The following ROBO2 variants were observed in gnomAD, a reference collection of about 807,000 sequenced individuals.
ROBO2 encodes roundabout guidance receptor 2.
A neutral mutation model predicts 160.8 loss-of-function variants in ROBO2; 53 were observed. That is an observed-to-expected ratio of 0.33 (90% CI 0.26 to 0.41). The LOEUF is 0.41. ROBO2 is among the 10% of genes least tolerant of loss of function. ROBO2 has a pLI of 1.00. For synonymous variants in ROBO2, 664 were observed against 611.7 expected (o/e 1.09, Z -1.26); for missense variants, 1,577 against 1,722.4 (o/e 0.92, Z 1.49).
intron 2 of ROBO2, among the ~76,000 whole-genome samples, chr3:77,107,668 G>A (rs976197439): frequency 1.3e-4 from 20 of 152,228 alleles, no homozygotes; most frequent in African/African-American, 4.6e-4. Context: ...ATGGACTTGA[G>A]CATCCAATTC....
At chr3:77,526,989 C>T (rs779768008) in intron 6 of ROBO2, among the ~76,000 whole-genome samples, 2 of 151,544 alleles carry the variant, frequency 1.3e-5, no homozygotes, top group South Asian at 4.1e-4. Flanking sequence ...TGCTTAAAAT[C>T]CAATTGCTAT....
chr3:77,494,956 C>T lies in ROBO2; in HGVS notation c.806+1574C>T, dbSNP rs745503060. ...TGTGTTTGTTTCATCATTTTAATGC[C>T]AGACATCTGTCTTTAAAGGAATGGT... On this transcript the variant is annotated intron_variant, in intron 5 of 25. Coordinates refer to ENST00000461745, the Ensembl canonical transcript of ROBO2. 1.1e-3 allele frequency among the ~76,000 whole-genome samples: 170 copies of T among 152,106 alleles called. 2 individuals carry two copies. Among genetic ancestry groups the T allele is most frequent in the Non-Finnish European group, 3.5e-4 (24 of 68,014 alleles).
chr3:76,161,674 C>T (rs1026717372), intron 2 of ROBO2, among the ~76,000 whole-genome samples: 1 of 152,116 alleles, frequency 6.6e-6, no homozygotes, highest in African/African-American at 2.4e-5. Context: ...GCATATTAGG[C>T]ATTTTTCGTC....
chr3:77,114,754 T>C (rs185832034), intron 2 of ROBO2, among the ~76,000 whole-genome samples: 2 of 152,178 alleles, frequency 1.3e-5, no homozygotes, highest in East Asian at 3.9e-4. Flanking sequence ...AAAGAGAAAA[T>C]AATTTTTTTA....
intron 2 of ROBO2, among the ~76,000 whole-genome samples, chr3:76,629,440 C>T (rs2089888247): frequency 1.3e-5 from 2 of 152,112 alleles, no homozygotes; most frequent in South Asian, 4.2e-4. Context: ...AGAAGCCAGT[C>T]CAAGTTCCAA....
intron 1 of ROBO2, among the ~76,000 whole-genome samples, chr3:77,048,227 A>G (rs1215460918): frequency 6.6e-6 from 1 of 152,202 alleles, no homozygotes; most frequent in Non-Finnish European, 1.5e-5. Context: ...ATTGGGGTGC[A>G]TGTTAGGACA....
chr3:77,342,941 G>C (rs943094724), intron 2 of ROBO2, among the ~76,000 whole-genome samples: 1 of 152,154 alleles, frequency 6.6e-6, no homozygotes, highest in African/African-American at 2.4e-5. Context: ...CGTCCTGGAG[G>C]CCGCAAGCCT....
Position 77,089,080 on chromosome 3 carries a change from T to C in ROBO2, c.62-8934T>C, listed in dbSNP as rs539400610. ...AACCAGTTTAGGTAATTGCTTAAGG[T>C]GATATAACTAACCATATATTGGTCC... On this transcript the variant is annotated intron_variant, in intron 1 of 25. Coordinates refer to ENST00000461745, the Ensembl canonical transcript of ROBO2. Among the ~76,000 whole-genome samples the C allele has an allele frequency of 1.1e-3, 170 of 152,270 alleles. 6 individuals carry two copies. The South Asian group carries it at 0.034, about 31-fold the overall frequency.
intron 21 of ROBO2, among the ~76,000 whole-genome samples, chr3:77,608,616 A>G (rs1457074071): frequency 6.6e-6 from 1 of 152,160 alleles, no homozygotes; most frequent in Non-Finnish European, 1.5e-5. Context: ...TTGATTTTAA[A>G]TACAAAGACA....
chr3:76,019,136 A>G (rs2066491695), intron 2 of ROBO2, among the ~76,000 whole-genome samples: 1 of 150,642 alleles, frequency 6.6e-6, no homozygotes, highest in African/African-American at 2.4e-5. Context: ...ATTCCTTCAA[A>G]TTGGCTAATA....
chr3:75,981,727 T>C (rs185834044), intron 2 of ROBO2, among the ~76,000 whole-genome samples: 1 of 151,386 alleles, frequency 6.6e-6, no homozygotes, highest in African/African-American at 2.4e-5. Flanking sequence ...TCATGGAGAA[T>C]GGGGTATCCA....
chr3:77,275,201 T>C (rs2059751338), intron 2 of ROBO2, among the ~76,000 whole-genome samples: 1 of 152,160 alleles, frequency 6.6e-6, no homozygotes, highest in African/African-American at 2.4e-5. Context: ...AATATGCAGG[T>C]AATTGACTTT....
chr3:76,093,569 T>C (rs2069321357), intron 2 of ROBO2, among the ~76,000 whole-genome samples: 1 of 149,640 alleles, frequency 6.7e-6, no homozygotes, highest in Admixed American at 6.7e-5. Flanking sequence ...TATATATATT[T>C]ATATAAATTG....
chr3:77,492,173 C>T (rs2086208922), intron 4 of ROBO2, among the ~76,000 whole-genome samples: 1 of 152,146 alleles, frequency 6.6e-6, no homozygotes, highest in Non-Finnish European at 1.5e-5. Flanking sequence ...CAGATCTCAT[C>T]TTTCTTTTCC....
intron 2 of ROBO2, among the ~76,000 whole-genome samples, chr3:77,410,696 CTCT>C (rs1305914860): frequency 6.8e-4 from 92 of 134,318 alleles, no homozygotes; most frequent in African/African-American, 2.5e-3. Flanking sequence ...CTTCCTCCTC[CTCT>C]TCCTCCTCCT....
intron 2 of ROBO2, among the ~76,000 whole-genome samples, chr3:77,185,550 A>T (rs1197855679): frequency 6.6e-6 from 1 of 151,958 alleles, no homozygotes; most frequent in Non-Finnish European, 1.5e-5. Context: ...TGAACAGGGA[A>T]CATTGCTGGT....
At chr3:76,928,668 A>G (rs1216301521) in intron 2 of ROBO2, among the ~76,000 whole-genome samples, 1 of 151,864 alleles carries the variant, frequency 6.6e-6, no homozygotes, top group Non-Finnish European at 1.5e-5. Flanking sequence ...ACCAACTCAC[A>G]CTTGCTTCAC....
In ROBO2 at chr3:77,550,808, G is replaced by A. The variant is rs115485646; in HGVS notation, c.1060-10G>A. Reference sequence around the variant, plus strand: ...AATGAATATTGATGAGATTGTGCTTGCTTCCACAGAACCTACTTTTCCCAA... The same window carrying A: ...AATGAATATTGATGAGATTGTGCTTACTTCCACAGAACCTACTTTTCCCAA... On this transcript the variant is annotated splice_polypyrimidine_tract_variant and intron_variant, in intron 7 of 25. Transcript: ENST00000461745. The A allele has an allele frequency of 1.4e-3, 2,306 of 1,612,444 alleles. 11 individuals carry two copies. In the African/African-American group the frequency reaches 0.021, roughly 14 times the overall value.
intron 2 of ROBO2, among the ~76,000 whole-genome samples, chr3:76,449,770 G>A (rs748125975): frequency 3.3e-5 from 5 of 152,234 alleles, no homozygotes; most frequent in Middle Eastern, 3.4e-3. Flanking sequence ...GAAGAGAGTC[G>A]TTAAATACTG....
Sources: gnomAD v4.1 joint callset for allele counts (sites outside exome capture counted in the v4.1 genomes callset) on GRCh38, gnomAD v4.1.1 for gene constraint, MANE v1.5 for transcripts, NCBI Gene and HGNC (gene_info 2026-07-23, HGNC 2026-07-21) for gene names.